The following PERM1 variants were observed in gnomAD, a reference collection of about 807,000 sequenced individuals.
PERM1 encodes PGC-1 and ERR-induced regulator in muscle protein 1.
In PERM1, 45 loss-of-function variants were observed where a neutral mutation model predicts 44.1. The observed-to-expected ratio is 1.02, with a 90% CI of 0.80 to 1.31. The LOEUF is 1.31. Among genes scored for constraint, PERM1 ranks in the 50% most tolerant of loss-of-function variants. The pLI, the probability that PERM1 is intolerant of heterozygous loss-of-function variation, is 0.00. For missense variants in PERM1, 1,189 were observed against 1,106.9 expected (o/e 1.07, Z -1.05); for synonymous variants, 565 against 477.1 (o/e 1.18, Z -2.40).
In PERM1 at chr1:980,580, AG is replaced by A. The variant is rs1185060157; in HGVS notation, c.449del (p.Pro150LeufsTer70). ...ACTTGGGACTCCCAGGGGGCTCACCAGGGGGCCGTGGGGCAGGGCCCTGCAG... is the reference window on the plus strand; with the variant it reads ...ACTTGGGACTCCCAGGGGGCTCACCAGGGGCCGTGGGGCAGGGCCCTGCAG... On this transcript the variant is annotated frameshift_variant, in exon 1 of 3. Transcript: ENST00000433179. LOFTEE classifies it high-confidence loss of function. The A allele has an allele frequency of 2.1e-6, 3 of 1,455,262 alleles. No homozygotes were observed. The highest frequency in any genetic ancestry group is 1.8e-6 in the Non-Finnish European group (2 of 1,103,796). 90.1% of individuals were successfully genotyped at this position (1,455,262 alleles called of 1,614,324 possible).
exon 1 of PERM1, chr1:978,918 G>C (rs570864131): frequency 5.3e-6 from 8 of 1,505,818 alleles, no homozygotes; most frequent in South Asian, 5.1e-5. Context: ...GCTCTACCAC[G>C]GCTGGCTTGA....
chr1:981,945 G>A (rs1643799995), upstream of PERM1: 1 of 804,216 alleles, frequency 1.2e-6, no homozygotes, highest in Admixed American at 2.7e-5. Flanking sequence ...GGAGGCCAGG[G>A]CATGGTGGCT....
upstream of PERM1, among the ~76,000 whole-genome samples, chr1:981,763 C>T (rs375292729): frequency 7.9e-5 from 12 of 152,382 alleles, no homozygotes; most frequent in East Asian, 1.5e-3. Flanking sequence ...GTCTGCACCA[C>T]GATCCAGGCC....
exon 1 of PERM1, chr1:980,012 C>T: frequency 1.3e-6 from 2 of 1,549,034 alleles, no homozygotes; most frequent in East Asian, 2.5e-5. Context: ...ATGTCCGTGT[C>T]AGGTTGCGGC....
In PERM1 at chr1:976,215, A is replaced by G. The variant is rs7417106; in HGVS notation, c.2330T>C (p.Val777Ala). 1,206,207 of 1,537,898 alleles carry G rather than the reference A, an allele frequency of 0.78. 477,323 individuals are homozygous for G. Among genetic ancestry groups the G allele is most frequent in the East Asian group, 0.93 (38,108 of 40,860 alleles). The stretch of plus-strand genomic sequence containing the variant: ...GCTGTGGCTGCGGCGCCCTTGCCCC[A>G]CCTGCCGGCGGAAGTAGCGGATGGC... Residue 777 changes from valine (V) to alanine (A), a missense_variant, in exon 3 of 3, where the codon GTG (valine) becomes GCG (alanine). Physicochemically the swap from Val to Ala is moderately conservative, Grantham distance 64 (BLOSUM62 0). Around this residue, in one of 3 missense-constraint regions of PERM1, gnomAD observed 900 missense variants for 760.4 expected, o/e 1.18. Transcript: ENST00000433179.
chr1:980,785 T>G lies in PERM1; in HGVS notation c.245A>C (p.Gln82Pro), dbSNP rs1351261911. 7 of 1,399,648 alleles carry G rather than the reference T, an allele frequency of 5.0e-6. No individual in the cohort carries two copies. In the African/African-American group the frequency reaches 1.0e-4, roughly 20 times the overall value. The allele number at this position is 1,399,648 out of a possible 1,614,324, so 86.7% of individuals were successfully genotyped here. The change falls in exon 1 of 3, where the codon CAG (glutamine) becomes CCG (proline). Residue 82 changes from glutamine (Q) to proline (P), a missense_variant. Transcript: ENST00000433179. ...ACCCTGAGACCTGCTGACCGGCTGC[T>G]GTGTGGCCACGTCCTCCTCCTCGCA... is the stretch of plus-strand genomic sequence containing the variant.
exon 1 of PERM1, chr1:979,836 G>C (rs1284586448): frequency 1.3e-6 from 2 of 1,549,782 alleles, no homozygotes; most frequent in Middle Eastern, 1.7e-4. Flanking sequence ...ACACAGCCAC[G>C]TCCGTGTCCA....
At chr1:981,679 A>C (rs1224203255), upstream of PERM1, among the ~76,000 whole-genome samples, 4 of 152,226 alleles carry the variant, frequency 2.6e-5, no homozygotes, top group Non-Finnish European at 5.9e-5. Flanking sequence ...CCAAGTCAGC[A>C]CGGAGAGCCT....
Position 979,355 on chromosome 1 carries a change from G to A in PERM1, c.1675C>T (p.Leu559=), listed in dbSNP as rs538299194. The change falls in exon 1 of 3, where the codon CTG becomes TTG. Residue 559 remains leucine, a synonymous_variant. Transcript: ENST00000433179. ...ACGGCAGAGGGAGGGGGGCGAGGCAGGTGCTTGAGGATCCGAGGCTGGTGG... is the reference window on the plus strand; with the variant it reads ...ACGGCAGAGGGAGGGGGGCGAGGCAAGTGCTTGAGGATCCGAGGCTGGTGG... 786 of 1,510,312 alleles carry A rather than the reference G, an allele frequency of 5.2e-4. 14 individuals carry two copies. In the South Asian group the frequency reaches 9.8e-3, roughly 19 times the overall value. The allele number at this position is 1,510,312 out of a possible 1,614,324, so 93.6% of individuals were successfully genotyped here.
chr1:979,575 TC>T lies in PERM1; in HGVS notation c.1454del (p.Gly485AspfsTer83). The T allele has an allele frequency of 6.5e-7, 1 of 1,550,006 alleles. No individual in the cohort carries two copies. The highest frequency in any genetic ancestry group is 8.7e-7 in the Non-Finnish European group (1 of 1,146,740). On this transcript the variant is annotated frameshift_variant, in exon 1 of 3. Transcript: ENST00000433179. LOFTEE classifies it high-confidence loss of function. Reference sequence around the variant, plus strand: ...CCAGTGCGGGTGCCCCAGAGCAGCATCCGGGGGCCCCTGCTGAGGGCTCAGA... The same window carrying T: ...CCAGTGCGGGTGCCCCAGAGCAGCATCGGGGGCCCCTGCTGAGGGCTCAGA...
At chr1:980,635 G>T in exon 1 of PERM1, 1 of 1,442,762 alleles carries the variant, frequency 6.9e-7, no homozygotes, top group East Asian at 2.5e-5. Context: ...TCCAGAAGAC[G>T]CCGGACCAGG....
At chr1:976,469 G>T (rs992180971) in intron 2 of PERM1, 30 bp downstream of exon 3, 4 of 1,549,356 alleles carry the variant, frequency 2.6e-6, no homozygotes, top group South Asian at 1.2e-5. Context: ...GCTTCTAGGC[G>T]CAGCTCCCTC....
intron 2 of PERM1, 80 bp downstream of exon 3, chr1:976,419 C>T: frequency 1.3e-6 from 2 of 1,541,560 alleles, no homozygotes; most frequent in African/African-American, 1.4e-5. Context: ...AGCCCCGGGG[C>T]CCCCGTGCAC....
chr1:979,909 G>A, exon 1 of PERM1: 2 of 1,550,318 alleles, frequency 1.3e-6, no homozygotes, highest in Non-Finnish European at 1.7e-6. Flanking sequence ...AGCTGGTGTA[G>A]ACACAGCCGT....
exon 3 of PERM1, chr1:976,199 G>A (rs1198563443): frequency 6.5e-7 from 1 of 1,544,624 alleles, no homozygotes; most frequent in African/African-American, 1.4e-5. Flanking sequence ...GGCTGTGGCT[G>A]CGGCGCCCTT....
At chr1:976,346 A>T in intron 2 of PERM1, 77 bp from the exon 4 acceptor site, 1 of 1,470,890 alleles carries the variant, frequency 6.8e-7, no homozygotes, top group Non-Finnish European at 9.0e-7. Flanking sequence ...CAGCCCTCAA[A>T]GGGCGGGCAA....
chr1:980,436 G>T, exon 1 of PERM1: 1 of 1,546,478 alleles, frequency 6.5e-7, no homozygotes, highest in Non-Finnish European at 8.7e-7. Context: ...CAGAAGCAGA[G>T]GCTCCTGTGT....
chr1:980,213 G>A lies in PERM1; in HGVS notation c.817C>T (p.Arg273Cys), dbSNP rs200169464. 51 of 1,550,298 alleles carry A rather than the reference G, an allele frequency of 3.3e-5. No individual in the cohort carries two copies. The East Asian group carries it at 6.1e-4, about 19-fold the overall frequency. Residue 273 changes from arginine (R) to cysteine (C), a missense_variant, in exon 1 of 3, where the codon CGC (arginine) becomes TGC (cysteine). Coordinates refer to ENST00000433179, the Ensembl canonical transcript of PERM1. ...GACACTGTGTGCAGCTTGGCTCGGCGCGGGGTTCTGATTTGGTCTGTGCCT... is the reference window on the plus strand; with the variant it reads ...GACACTGTGTGCAGCTTGGCTCGGCACGGGGTTCTGATTTGGTCTGTGCCT...
intron 1 of PERM1, among the ~76,000 whole-genome samples, chr1:978,514 C>T (rs1643688941): frequency 6.6e-6 from 1 of 152,230 alleles, no homozygotes; most frequent in South Asian, 2.1e-4. Flanking sequence ...GCCCCGTGTT[C>T]TGGTCTGTAA....
Sources: allele counts gnomAD v4.1 joint callset (sites outside exome capture counted in the v4.1 genomes callset), GRCh38; gene constraint gnomAD v4.1.1; regional missense constraint gnomAD v4.1.1; transcripts MANE v1.5; gene names NCBI Gene and HGNC (gene_info 2026-07-23, HGNC 2026-07-21).